Variants in CDH2 observed in about 807,000 individuals in gnomAD.
CDH2 encodes the protein cadherin 2.
A neutral mutation model predicts 92.0 loss-of-function variants in CDH2; 17 were observed. That is an observed-to-expected ratio of 0.18 (90% CI 0.13 to 0.28). The LOEUF (loss-of-function observed/expected upper bound fraction) is 0.28, where lower values mean the gene tolerates loss of function less well. CDH2 is among the 10% of genes least tolerant of loss of function. The probability of loss-of-function intolerance (pLI) is 1.00; values close to 1 mark genes in which losing one functional copy is unlikely to be tolerated. For missense variants in CDH2, 862 were observed against 1,133.1 expected (o/e 0.76, Z 3.44); for synonymous variants, 419 against 415.9 (o/e 1.01, Z -0.09).
chr18:27,991,377 CT>C (rs1479500559), intron 9 of CDH2, among the ~76,000 whole-genome samples: 1 of 152,154 alleles, frequency 6.6e-6, no homozygotes, highest in African/African-American at 2.4e-5. Context: ...TCAAACACAT[CT>C]TTTTTTCTCT....
intron 15 of CDH2, among the ~76,000 whole-genome samples, chr18:27,958,639 T>A (rs766423416): frequency 2.6e-5 from 4 of 151,872 alleles, no homozygotes; most frequent in Non-Finnish European, 5.9e-5. Context: ...GTGATATATG[T>A]GTATATGTGC....
intron 2 of CDH2, among the ~76,000 whole-genome samples, chr18:28,090,246 C>T (rs187738823): frequency 6.6e-5 from 10 of 152,284 alleles, no homozygotes; most frequent in African/African-American, 2.4e-4. Flanking sequence ...GAATTCACTA[C>T]GCTTTTAAAT....
chr18:28,057,906 G>C (rs1461757472), intron 2 of CDH2, among the ~76,000 whole-genome samples: 1 of 152,106 alleles, frequency 6.6e-6, no homozygotes, highest in East Asian at 1.9e-4. Context: ...ACTCATCATG[G>C]AGTAGAAAAA....
intron 1 of CDH2, among the ~76,000 whole-genome samples, chr18:28,153,199 G>A (rs1449389855): frequency 6.6e-6 from 1 of 152,120 alleles, no homozygotes; most frequent in Non-Finnish European, 1.5e-5. Flanking sequence ...CCAGGCAAAA[G>A]GTACAGCAGA....
chr18:27,980,955 A>G (rs984411533), intron 14 of CDH2, among the ~76,000 whole-genome samples: 5 of 152,252 alleles, frequency 3.3e-5, no homozygotes, highest in African/African-American at 4.8e-5. Context: ...AAAGTCAACA[A>G]ATAAAATAAG....
At chr18:28,109,905 T>C (rs752082251) in intron 2 of CDH2, among the ~76,000 whole-genome samples, 1 of 152,172 alleles carries the variant, frequency 6.6e-6, no homozygotes, top group African/African-American at 2.4e-5. Flanking sequence ...CTTTCAAAAA[T>C]GCGGGTTAAC....
chr18:28,016,772 T>A (rs2013260096), intron 2 of CDH2, among the ~76,000 whole-genome samples: 1 of 152,106 alleles, frequency 6.6e-6, no homozygotes, highest in African/African-American at 2.4e-5. Flanking sequence ...AACAAAAAGA[T>A]CTGAAAAATG....
At chr18:28,048,783 T>A (rs1315145594) in intron 2 of CDH2, among the ~76,000 whole-genome samples, 1 of 152,122 alleles carries the variant, frequency 6.6e-6, no homozygotes, top group African/African-American at 2.4e-5. Context: ...CAAACAAAAT[T>A]TCTGTTGAAA....
chr18:28,155,713 T>G (rs1319105738), intron 1 of CDH2, among the ~76,000 whole-genome samples: 2 of 152,210 alleles, frequency 1.3e-5, no homozygotes, highest in Admixed American at 6.5e-5. Flanking sequence ...TACATGGTGA[T>G]AGAGTAATGA....
At chr18:28,156,617 C>T (rs33950804) in intron 1 of CDH2, among the ~76,000 whole-genome samples, 1,822 of 36,064 alleles carry the variant, frequency 0.051, 55 homozygotes, top group Admixed American at 0.069. Flanking sequence ...TTCCCAGGTA[C>T]AGCATGTCAC....
chr18:28,113,730 T>C (rs1050840266), intron 2 of CDH2, among the ~76,000 whole-genome samples: 4 of 152,010 alleles, frequency 2.6e-5, no homozygotes, highest in Admixed American at 6.6e-5. Flanking sequence ...GAATTAGCTC[T>C]GAAAAAAAGA....
At chr18:28,096,919 C>G (rs935837975) in intron 2 of CDH2, 5 of 152,214 alleles carry the variant, frequency 3.3e-5, no homozygotes, top group African/African-American at 1.2e-4. Flanking sequence ...AATTAAAAAT[C>G]TGCCAATGTA....
In CDH2 at chr18:27,996,305, A is replaced by G. The variant is rs2012579073; in HGVS notation, c.1021-2668T>C. 2.6e-5 allele frequency among the ~76,000 whole-genome samples: 4 copies of G among 152,206 alleles called. No homozygotes were observed. The South Asian group carries it at 8.3e-4, about 32-fold the overall frequency. ...GTGAACATTTTGGGTTGTTACAACT[A>G]AGCACTCCTTAGTTGTGACAACCAA... On this transcript the variant is annotated intron_variant, in intron 7 of 15. Transcript: ENST00000269141.
At chr18:28,142,289 A>G (rs1029006388) in intron 2 of CDH2, among the ~76,000 whole-genome samples, 2 of 151,716 alleles carry the variant, frequency 1.3e-5, no homozygotes, top group Admixed American at 6.6e-5. Flanking sequence ...TTGTGAGGGA[A>G]GAGATCTCAG....
chr18:28,167,995 G>A (rs1218904712), intron 1 of CDH2, among the ~76,000 whole-genome samples: 1 of 152,096 alleles, frequency 6.6e-6, no homozygotes, highest in East Asian at 1.9e-4. Flanking sequence ...AACCAATTAA[G>A]ACAACAAAAG....
At chr18:27,993,712 C>T in intron 7 of CDH2, 75 bp from the exon 8 acceptor site, 2 of 1,137,286 alleles carry the variant, frequency 1.8e-6, no homozygotes, top group South Asian at 2.8e-5. Flanking sequence ...CTGTAAACGG[C>T]TCTTTATAAT....
intron 6 of CDH2, among the ~76,000 whole-genome samples, chr18:27,942,806 T>C (rs1318167220): frequency 6.6e-6 from 1 of 152,136 alleles, no homozygotes; most frequent in Non-Finnish European, 1.5e-5. Flanking sequence ...AGGTCTTGTT[T>C]TGTGTATGAA....
intron 11 of CDH2, 93 bp downstream of exon 11, chr18:27,988,431 C>G: frequency 9.3e-7 from 1 of 1,075,520 alleles, no homozygotes; most frequent in Admixed American, 2.3e-5. Flanking sequence ...GTTTTCCAGG[C>G]AATTGAGTTT....
chr18:28,124,818 G>A (rs1175421815), intron 2 of CDH2, among the ~76,000 whole-genome samples: 3 of 152,204 alleles, frequency 2.0e-5, no homozygotes, highest in African/African-American at 4.8e-5. Flanking sequence ...TAGCTGTACA[G>A]TGTGGTATCT....
Sources: gnomAD v4.1 joint callset for allele counts (sites outside exome capture counted in the v4.1 genomes callset) on GRCh38, gnomAD v4.1.1 for gene constraint, MANE v1.5 for transcripts, NCBI Gene and HGNC (gene_info 2026-07-23, HGNC 2026-07-21) for gene names.